PGCKA1: variants seen among roughly 807,000 people sequenced by gnomAD.
The protein encoded by PGCKA1 is PDCD10 and GCKIII kinases-associated protein 1.
the PGCKA1 span, chr4:37,590,221 C>T: frequency 2.7e-4 from 429 of 1,614,166 alleles, 3 homozygotes; most frequent in African/African-American, 5.3e-3. Flanking sequence ...GAAAAATGAC[C>T]CTCAGAGGCA....
chr4:37,584,886 T>C, the PGCKA1 span, among the ~76,000 whole-genome samples: 1 of 152,030 alleles, frequency 6.6e-6, no homozygotes, highest in African/African-American at 2.4e-5. Context: ...CATCATAAAG[T>C]TGACCTGAGA....
the PGCKA1 span, among the ~76,000 whole-genome samples, chr4:37,500,674 T>C: frequency 1.3e-5 from 2 of 152,216 alleles, no homozygotes; most frequent in African/African-American, 4.8e-5. Flanking sequence ...AAATTATCTT[T>C]GTTAATTTTC....
the PGCKA1 span, among the ~76,000 whole-genome samples, chr4:37,583,355 T>C: frequency 6.6e-6 from 1 of 152,176 alleles, no homozygotes; most frequent in Non-Finnish European, 1.5e-5. Flanking sequence ...CCTCCATTGC[T>C]ACCCTCCCAG....
At chr4:37,569,490 C>T in the PGCKA1 span, among the ~76,000 whole-genome samples, 16 of 152,282 alleles carry the variant, frequency 1.1e-4, no homozygotes, top group African/African-American at 3.4e-4. Flanking sequence ...TGAGCCACCA[C>T]GCCCGGCCCC....
At chr4:37,509,809 G>T in the PGCKA1 span, among the ~76,000 whole-genome samples, 31 of 151,812 alleles carry the variant, frequency 2.0e-4, no homozygotes, top group Non-Finnish European at 4.0e-4. Flanking sequence ...AAAAAAATAC[G>T]AAAACCAGTC....
At chr4:37,582,992 G>C in the PGCKA1 span, among the ~76,000 whole-genome samples, 4 of 152,028 alleles carry the variant, frequency 2.6e-5, no homozygotes, top group Non-Finnish European at 5.9e-5. Flanking sequence ...AGTATTTCTC[G>C]TATGTTTGTT....
chr4:37,456,548 T>G, the PGCKA1 span, among the ~76,000 whole-genome samples: 1 of 152,242 alleles, frequency 6.6e-6, no homozygotes, highest in Non-Finnish European at 1.5e-5. Flanking sequence ...AAAAGGAATA[T>G]TGTATCTCAC....
chr4:37,475,633 ATTAG>A, the PGCKA1 span, among the ~76,000 whole-genome samples: 2 of 152,174 alleles, frequency 1.3e-5, no homozygotes, highest in African/African-American at 2.4e-5. Context: ...ACATTTATGA[ATTAG>A]TTATTTAGAA....
the PGCKA1 span, among the ~76,000 whole-genome samples, chr4:37,554,473 G>A: frequency 2.6e-5 from 4 of 152,032 alleles, no homozygotes; most frequent in South Asian, 8.3e-4. Context: ...TCAGCCTCCT[G>A]AGTAGCTGGG....
At chr4:37,465,323 G>C in the PGCKA1 span, among the ~76,000 whole-genome samples, 1 of 151,920 alleles carries the variant, frequency 6.6e-6, no homozygotes, top group East Asian at 1.9e-4. Context: ...GTGCCAGGTG[G>C]TGAGGATACA....
the PGCKA1 span, among the ~76,000 whole-genome samples, chr4:37,506,356 T>C: frequency 6.6e-6 from 1 of 152,160 alleles, no homozygotes; most frequent in Non-Finnish European, 1.5e-5. Context: ...TTAAGACATA[T>C]TGTTAGCTTA....
At chr4:37,585,482 T>G in the PGCKA1 span, among the ~76,000 whole-genome samples, 2 of 56 alleles carry the variant, frequency 0.036, 1 homozygote, top group African/African-American at 0.059. Context: ...GAGGGGAGGG[T>G]AGAGGAGAGG....
At chr4:37,556,754 C>A in the PGCKA1 span, among the ~76,000 whole-genome samples, 119 of 152,276 alleles carry the variant, frequency 7.8e-4, no homozygotes, top group Non-Finnish European at 1.4e-3. Context: ...GCTCTTCTCA[C>A]CTCTTTGCTT....
At chr4:37,542,465 G>A in the PGCKA1 span, among the ~76,000 whole-genome samples, 2 of 152,274 alleles carry the variant, frequency 1.3e-5, no homozygotes, top group African/African-American at 4.8e-5. Flanking sequence ...AACAGACCAC[G>A]GAATGTTGTC....
the PGCKA1 span, among the ~76,000 whole-genome samples, chr4:37,494,469 C>T: frequency 6.6e-6 from 1 of 152,186 alleles, no homozygotes; most frequent in East Asian, 1.9e-4. Context: ...TTCCTTTTTA[C>T]ACTTGCATAA....
chr4:37,506,698 C>T, the PGCKA1 span, among the ~76,000 whole-genome samples: 2 of 151,484 alleles, frequency 1.3e-5, no homozygotes, highest in African/African-American at 2.4e-5. Context: ...TGTCACCTAA[C>T]GTATGGTTTA....
chr4:37,495,527 G>A, the PGCKA1 span, among the ~76,000 whole-genome samples: 1 of 152,098 alleles, frequency 6.6e-6, no homozygotes, highest in African/African-American at 2.4e-5. Flanking sequence ...ATACTACGCA[G>A]CCCTAAAAAA....
At chr4:37,480,183 G>T in the PGCKA1 span, among the ~76,000 whole-genome samples, 3 of 152,216 alleles carry the variant, frequency 2.0e-5, no homozygotes, top group Non-Finnish European at 4.4e-5. Context: ...ATTAAAGACA[G>T]GTTTTCTTTA....
At chr4:37,534,334 G>A in the PGCKA1 span, among the ~76,000 whole-genome samples, 1 of 152,150 alleles carries the variant, frequency 6.6e-6, no homozygotes, top group Non-Finnish European at 1.5e-5. Flanking sequence ...GCCACAGCTG[G>A]GGCCTTGACT....
Sources: gnomAD v4.1 joint callset for allele counts (sites outside exome capture counted in the v4.1 genomes callset) on GRCh38, gnomAD v4.1.1 for gene constraint, MANE v1.5 for transcripts, NCBI Gene and HGNC (gene_info 2026-07-23, HGNC 2026-07-21) for gene names.